Variants in POLR2F observed in about 807,000 individuals in gnomAD.
The protein encoded by POLR2F is RNA polymerase II, I and III subunit F.
POLR2F carries 12 observed loss-of-function variants against 22.7 expected under a neutral mutation model. That is an observed-to-expected ratio of 0.53 (90% CI 0.34 to 0.86). The LOEUF is 0.86. Among genes scored for constraint, POLR2F ranks in the 40% least tolerant of loss-of-function variants. The pLI, the probability that POLR2F is intolerant of heterozygous loss-of-function variation, is 0.02. For synonymous variants in POLR2F, 57 were observed against 66.0 expected, an observed-to-expected ratio of 0.86 and a Z score of 0.66; for missense variants, 126 against 171.5, an observed-to-expected ratio of 0.73 and a Z score of 1.48.
chr22:38,025,429 C>A (rs914893588), intron 1 of POLR2F: 2 of 1,155,020 alleles, frequency 1.7e-6, no homozygotes, highest in Non-Finnish European at 2.3e-6. Context: ...CACAGATACA[C>A]ATGTGCACAC....
intron 1 of POLR2F, among the ~76,000 whole-genome samples, chr22:38,008,576 C>G (rs1338097551): frequency 7.1e-6 from 1 of 141,652 alleles, no homozygotes; most frequent in African/African-American, 2.6e-5. Context: ...ACAACAACAA[C>G]AAAACATTAA....
rs930036145 is a variant in POLR2F, at chr22:37,980,916, C to T, written c.293+13746C>T. On this transcript the variant is annotated intron_variant, in intron 4 of 4. Coordinates refer to the POLR2F transcript ENST00000405557. The surrounding 1 kb of genome is among the most constrained non-coding windows in gnomAD (Gnocchi z 4.1). ...ACTGGGAACAGAGGCTGGGTGACCC[C>T]CACCACACAGGAGGGACTCTTGCCT... Among the ~76,000 whole-genome samples the T allele has an allele frequency of 1.3e-5, 2 of 152,190 alleles. No homozygotes were observed. Among genetic ancestry groups the T allele is most frequent in the African/African-American group, 4.8e-5 (2 of 41,436 alleles).
chr22:37,969,065 A>C lies in POLR2F; in HGVS notation c.*1350A>C. ...GTCACTTTCTCGGCCCCATTTCTCTAAATGGTCTCTTTGTTCCCTGCTGGG... is the reference window on the plus strand; with the variant it reads ...GTCACTTTCTCGGCCCCATTTCTCTCAATGGTCTCTTTGTTCCCTGCTGGG... On this transcript the variant is annotated 3_prime_UTR_variant, in exon 5 of 5. Transcript: ENST00000442738. 2.0e-6 allele frequency: 2 copies of C among 985,434 alleles called. No homozygotes were observed. Among genetic ancestry groups the C allele is most frequent in the South Asian group, 9.4e-5 (2 of 21,290 alleles). 61.0% of individuals were successfully genotyped at this position (985,434 alleles called of 1,614,324 possible). A position where few individuals can be genotyped will look rare whatever the true frequency, so the allele number is the denominator to read the frequency against.
intron 1 of POLR2F, among the ~76,000 whole-genome samples, chr22:38,001,862 C>T (rs2084773425): frequency 6.6e-6 from 1 of 151,914 alleles, no homozygotes; most frequent in African/African-American, 2.4e-5. Context: ...GAGTCTCACT[C>T]TGGTGCCCAG....
intron 1 of POLR2F, among the ~76,000 whole-genome samples, chr22:37,956,447 T>G (rs145825016): frequency 6.6e-6 from 1 of 151,672 alleles, no homozygotes; most frequent in Non-Finnish European, 1.5e-5. Flanking sequence ...GACAGGTTCT[T>G]GTTCTGTCAC....
intron 5 of POLR2F, chr22:38,040,969 C>A: frequency 1.3e-6 from 2 of 1,577,142 alleles, no homozygotes; most frequent in South Asian, 1.1e-5. Context: ...ACAACAGTGA[C>A]GTTGATCAAA....
chr22:37,973,878 C>G (rs549034055), downstream of POLR2F: 4 of 1,610,386 alleles, frequency 2.5e-6, no homozygotes, highest in Non-Finnish European at 8.5e-7. Context: ...GGCAGAGCCA[C>G]GCCTGGTGGC....
At chr22:38,020,824 G>A (rs560886912) in intron 1 of POLR2F, among the ~76,000 whole-genome samples, 5 of 152,042 alleles carry the variant, frequency 3.3e-5, no homozygotes, top group Admixed American at 2.0e-4. Context: ...ACCCCCTCTC[G>A]TTGCCATGGT....
At chr22:38,004,295 G>T (rs1182972475) in intron 1 of POLR2F, among the ~76,000 whole-genome samples, 2 of 152,154 alleles carry the variant, frequency 1.3e-5, no homozygotes, top group African/African-American at 4.8e-5. Context: ...GGGCTGGAGT[G>T]TTAACACCGG....
chr22:37,954,393 C>G (rs1236250841), intron 1 of POLR2F, among the ~76,000 whole-genome samples: 1 of 151,996 alleles, frequency 6.6e-6, no homozygotes, highest in Non-Finnish European at 1.5e-5. Flanking sequence ...GCCTCCACCT[C>G]CGGGGTTCAA....
At chr22:37,983,289 C>T, upstream of POLR2F, 1 of 1,525,438 alleles carries the variant, frequency 6.6e-7, no homozygotes. The surrounding 1 kb of genome is among the most constrained non-coding windows in gnomAD (Gnocchi z 9.5). Context: ...GGAGGCCGGG[C>T]CGCCTCGGCT....
At chr22:37,987,505 CTCACCTG>C in intron 1 of POLR2F, 1 of 355,648 alleles carries the variant, frequency 2.8e-6, no homozygotes, top group Non-Finnish European at 5.6e-6. Flanking sequence ...TCCCTGGTCC[CTCACCTG>C]TCACGTGGGG....
downstream of POLR2F, chr22:37,973,455 G>C: frequency 2.2e-6 from 3 of 1,337,648 alleles, no homozygotes; most frequent in Non-Finnish European, 1.0e-6. Context: ...ACAGGCTGGG[G>C]GCAGGGGCTG....
intron 5 of POLR2F, chr22:38,040,208 C>A (rs2085157575): frequency 7.1e-6 from 1 of 140,472 alleles, no homozygotes; most frequent in Non-Finnish European, 1.5e-5. Flanking sequence ...TCACTTGAAC[C>A]TGTGAGGTCA....
chr22:38,039,431 C>T (rs1214115640), intron 5 of POLR2F, among the ~76,000 whole-genome samples: 1 of 152,182 alleles, frequency 6.6e-6, no homozygotes, highest in Admixed American at 6.5e-5. Context: ...GATGAGGAAA[C>T]TGAGGCACAG....
At chr22:37,986,154 C>T (rs1379517893), upstream of POLR2F, 21 of 1,530,408 alleles carry the variant, frequency 1.4e-5, no homozygotes, top group East Asian at 4.9e-5. This position sits in a 1 kb window ranked among gnomAD's most constrained non-coding sequence, Gnocchi z 4.7. Context: ...TTTTTAACAG[C>T]GCCCGCTCGG....
In POLR2F at chr22:37,991,932, G is replaced by A. The variant is rs189530228; in HGVS notation, c.120+5620G>A. Among the ~76,000 whole-genome samples, 18 of 152,320 alleles carry A rather than the reference G, an allele frequency of 1.2e-4. No individual in the cohort carries two copies. In the East Asian group the frequency reaches 2.5e-3, roughly 21 times the overall value. On this transcript the variant is annotated intron_variant, in intron 1 of 2. Transcript: ENST00000333418. Reference sequence around the variant, plus strand: ...GTGGTGCCTGTTACATAGGAGTGACGTCAGCAGATGAAGGGCTTGCATGGA... The same window carrying A: ...GTGGTGCCTGTTACATAGGAGTGACATCAGCAGATGAAGGGCTTGCATGGA...
intron 1 of POLR2F, among the ~76,000 whole-genome samples, chr22:37,994,812 T>C (rs1393913380): frequency 6.6e-6 from 1 of 152,062 alleles, no homozygotes; most frequent in African/African-American, 2.4e-5. Context: ...GGCCAATTTT[T>C]GTATTTTTTT....
chr22:38,013,268 C>T (rs2084888166), intron 1 of POLR2F, among the ~76,000 whole-genome samples: 1 of 152,196 alleles, frequency 6.6e-6, no homozygotes, highest in African/African-American at 2.4e-5. Flanking sequence ...GCCTCAGCTT[C>T]CTGAGTAGCT....
Sources: gnomAD v4.1 joint callset for allele counts (sites outside exome capture counted in the v4.1 genomes callset) on GRCh38, gnomAD v4.1.1 for gene constraint, Gnocchi (gnomAD v3.1) non-coding constraint, MANE v1.5 for transcripts, NCBI Gene and HGNC (gene_info 2026-07-23, HGNC 2026-07-21) for gene names.